Variants in SLC9B2 observed in about 807,000 individuals in gnomAD.
SLC9B2 encodes the protein sodium/hydrogen exchanger 9B2.
In SLC9B2, 39 loss-of-function variants were observed where a neutral mutation model predicts 52.2. The observed-to-expected ratio is 0.75, with a 90% confidence interval of 0.58 to 0.98. The LOEUF (loss-of-function observed/expected upper bound fraction) is 0.98. Ranked by LOEUF, SLC9B2 falls within the 50% of genes least tolerant of loss-of-function variation. The pLI is 0.00. For missense variants in SLC9B2, 626 were observed against 637.5 expected (o/e 0.98, Z 0.19); for synonymous variants, 214 against 227.0 (o/e 0.94, Z 0.51).
chr4:103,026,680 G>A, intron 11 of SLC9B2, 89 bp from the exon 12 acceptor site: 4 of 1,238,208 alleles, frequency 3.2e-6, no homozygotes, highest in Non-Finnish European at 4.5e-6. Context: ...AAAGCAAATT[G>A]CTTGTTCTTT....
At chr4:103,057,532 C>T (rs1159999489) in intron 4 of SLC9B2, among the ~76,000 whole-genome samples, 1 of 151,882 alleles carries the variant, frequency 6.6e-6, no homozygotes, top group Non-Finnish European at 1.5e-5. Flanking sequence ...GTCTCGAACT[C>T]CAGAGCTCAA....
At chr4:103,019,798 GTTCTGGGGT>G, downstream of SLC9B2, 2 of 985,690 alleles carry the variant, frequency 2.0e-6, no homozygotes, top group Non-Finnish European at 1.2e-6. Context: ...AGAGGCGAGG[GTTCTGGGGT>G]TTCTGGGACT....
intron 9 of SLC9B2, among the ~76,000 whole-genome samples, chr4:103,034,682 GC>G (rs1447301233): frequency 1.3e-5 from 2 of 152,118 alleles, no homozygotes; most frequent in African/African-American, 4.8e-5. Context: ...CATACATGTA[GC>G]CAACAAGCAT....
rs768736288 is a variant in SLC9B2 at position 103,044,898 on chromosome 4, G to A, written c.988C>T (p.Arg330Cys). The A allele has an allele frequency of 7.4e-6, 12 of 1,612,316 alleles. No homozygotes were observed. The highest frequency in any genetic ancestry group is 6.7e-5 in the African/African-American group (5 of 74,940). ...LGFFIQYFPSRDQDKLVCKRT... is the reference protein window; with the variant it reads ...LGFFIQYFPSCDQDKLVCKRT... The stretch of plus-strand genomic sequence containing the variant: ...CATATTATTTCTTTCACCTGGTCAC[G>A]GCTTGGAAAGTACTGAATGAAAAAT... Residue 330 changes from arginine to cysteine, a missense_variant, in exon 8 of 12, where the codon CGT (arginine) becomes TGT (cysteine). Arg to Cys is a radical substitution (Grantham distance 180, BLOSUM62 -3). Transcript: ENST00000394785.
chr4:103,019,560 AGGGCTTGG>A (rs1322030643), downstream of SLC9B2: 1 of 984,716 alleles, frequency 1.0e-6, no homozygotes, highest in Non-Finnish European at 1.2e-6. Flanking sequence ...CTAGCGCCAA[AGGGCTTGG>A]AAGGGCGGCG....
downstream of SLC9B2, among the ~76,000 whole-genome samples, chr4:103,022,073 C>T (rs953034742): frequency 1.3e-5 from 2 of 152,202 alleles, no homozygotes; most frequent in African/African-American, 2.4e-5. Flanking sequence ...ATGTCTTATT[C>T]ATATTTGTAT....
intron 6 of SLC9B2, among the ~76,000 whole-genome samples, chr4:103,048,056 T>C (rs1028532437): frequency 1.3e-5 from 2 of 152,204 alleles, no homozygotes; most frequent in Non-Finnish European, 2.9e-5. Context: ...AACCCAGTGA[T>C]GCTAGGCCTT....
At chr4:103,038,444 C>T (rs955998789) in intron 9 of SLC9B2, among the ~76,000 whole-genome samples, 1 of 152,024 alleles carries the variant, frequency 6.6e-6, no homozygotes, top group Non-Finnish European at 1.5e-5. Flanking sequence ...CATAGAAAAA[C>T]ATAGAAAAGT....
chr4:103,044,482 A>C (rs1365140832), intron 8 of SLC9B2, among the ~76,000 whole-genome samples: 1 of 152,122 alleles, frequency 6.6e-6, no homozygotes. Flanking sequence ...TCCCAGAGGG[A>C]TCCTTTTGCC....
At chr4:103,058,045 T>G (rs1280581658) in intron 3 of SLC9B2, 74 bp from the exon 4 acceptor site, 2 of 1,315,222 alleles carry the variant, frequency 1.5e-6, no homozygotes, top group Non-Finnish European at 2.1e-6. Context: ...CTAAAATAAT[T>G]TGTAAAAATA....
At chr4:103,046,932 C>A in intron 7 of SLC9B2, 119 bp downstream of exon 7, 5 of 1,209,838 alleles carry the variant, frequency 4.1e-6, no homozygotes, top group Non-Finnish European at 5.8e-6. Flanking sequence ...TCTTAGTGTT[C>A]TTTTGCCTAT....
intron 4 of SLC9B2, 108 bp from the exon 5 acceptor site, chr4:103,050,490 T>C: frequency 2.0e-6 from 2 of 1,023,968 alleles, no homozygotes. Flanking sequence ...CCACTTCACT[T>C]ATGCTTAGAA....
intron 3 of SLC9B2, among the ~76,000 whole-genome samples, chr4:103,060,523 T>C (rs1478553588): frequency 1.3e-5 from 2 of 149,786 alleles, no homozygotes; most frequent in Non-Finnish European, 3.0e-5. Context: ...TGTTTCCTTT[T>C]GCATGTTTTT....
At chr4:103,041,955 C>T (rs1273861787) in intron 9 of SLC9B2, 10 of 152,064 alleles carry the variant, frequency 6.6e-5, no homozygotes, top group Admixed American at 6.5e-4. Context: ...CACTTAGTGC[C>T]TCATACAGAG....
At chr4:103,061,966 A>C (rs2110648851) in intron 3 of SLC9B2, among the ~76,000 whole-genome samples, 1 of 152,306 alleles carries the variant, frequency 6.6e-6, no homozygotes, top group African/African-American at 2.4e-5. Flanking sequence ...GGAATACCTA[A>C]GGGACTTCCA....
chr4:103,029,741 A>T (rs997583708), intron 10 of SLC9B2, among the ~76,000 whole-genome samples: 6 of 152,134 alleles, frequency 3.9e-5, no homozygotes, highest in Non-Finnish European at 5.9e-5. Context: ...GTGATTTTTT[A>T]AAAAGTAACA....
chr4:103,066,204 TCAC>T (rs1274168262), intron 3 of SLC9B2, 120 bp downstream of exon 3: 1 of 1,160,488 alleles, frequency 8.6e-7, no homozygotes, highest in Non-Finnish European at 1.2e-6. Flanking sequence ...TGTGAATTGT[TCAC>T]CAACTAGTTT....
intron 5 of SLC9B2, among the ~76,000 whole-genome samples, chr4:103,049,518 C>T (rs1442614468): frequency 6.6e-6 from 1 of 152,148 alleles, no homozygotes; most frequent in Non-Finnish European, 1.5e-5. Context: ...ATACTTGACC[C>T]TCATTTTATA....
intron 9 of SLC9B2, 113 bp downstream of exon 9, chr4:103,043,183 A>G (rs1743782819): frequency 8.4e-7 from 1 of 1,187,434 alleles, no homozygotes. Context: ...GCACATTAAG[A>G]TAGCTTTTAT....
Sources: allele counts gnomAD v4.1 joint callset (sites outside exome capture counted in the v4.1 genomes callset), GRCh38; gene constraint gnomAD v4.1.1; transcripts MANE v1.5; gene names NCBI Gene and HGNC (gene_info 2026-07-23, HGNC 2026-07-21).